NRIP1: variants seen among roughly 807,000 people sequenced by gnomAD.
NRIP1 encodes the protein nuclear receptor-interacting protein 1.
In NRIP1, 28 loss-of-function variants were observed where a neutral mutation model predicts 75.0. The ratio of observed to expected loss-of-function variants is 0.37; its 90% CI spans 0.28 to 0.51. The LOEUF (loss-of-function observed/expected upper bound fraction) is 0.51, where lower values mean the gene tolerates loss of function less well. Ranked by LOEUF, NRIP1 falls within the 20% of genes least tolerant of loss-of-function variation. The pLI is 0.92. For missense variants in NRIP1, 1,435 were observed against 1,343.7 expected (o/e 1.07, Z -1.06); for synonymous variants, 526 against 487.6 (o/e 1.08, Z -1.04).
intron 3 of NRIP1, among the ~76,000 whole-genome samples, chr21:14,990,047 C>T (rs749481021): frequency 5.9e-4 from 90 of 152,198 alleles, no homozygotes; most frequent in Middle Eastern, 3.4e-3. Flanking sequence ...GACAATAAAT[C>T]TAGACTATTA....
chr21:14,968,021 A>G lies in NRIP1; in HGVS notation c.172T>C (p.Phe58Leu). 1 of 1,614,100 alleles carries G rather than the reference A, an allele frequency of 6.2e-7. No individual in the cohort carries two copies. The highest frequency in any genetic ancestry group is 1.7e-5 in the Admixed American group (1 of 59,964). The part of the protein sequence containing the change: ...DQNFNISGSA[F>L]PTCQSNGPVL... Reference sequence around the variant, plus strand: ...GGACCATTACTTTGACAGGTGGGAAATGCACTGCCAGAAATGTTAAAGTTC... The same window carrying G: ...GGACCATTACTTTGACAGGTGGGAAGTGCACTGCCAGAAATGTTAAAGTTC... The change falls in exon 4 of 4, where the codon TTT becomes CTT. Residue 58 changes from phenylalanine to leucine, a missense_variant. By Grantham distance (22) the Phe-to-Leu change is conservative. Coordinates refer to ENST00000318948, the MANE Select transcript of NRIP1 (RefSeq NM_003489.4).
intron 2 of NRIP1, 121 bp from the exon 3 acceptor site, chr21:15,014,587 T>A (rs2088181352): frequency 2.5e-6 from 1 of 396,362 alleles, no homozygotes. Flanking sequence ...AAAGTAGTCA[T>A]TTGACAGAAA....
chr21:15,043,001 T>C (rs550001793), intron 2 of NRIP1, among the ~76,000 whole-genome samples: 1 of 152,274 alleles, frequency 6.6e-6, no homozygotes, highest in South Asian at 2.1e-4. Flanking sequence ...CGCAAATGGA[T>C]GTTCGGAGGC....
chr21:15,030,940 C>CGGTTGG (rs1568993001), intron 2 of NRIP1, among the ~76,000 whole-genome samples: 1 of 122,188 alleles, frequency 8.2e-6, no homozygotes, highest in African/African-American at 3.0e-5. Flanking sequence ...CTCTGGAAGG[C>CGGTTGG]ACTCAGAGGA....
chr21:14,970,001 T>C (rs763534519), intron 3 of NRIP1, among the ~76,000 whole-genome samples: 8 of 152,208 alleles, frequency 5.3e-5, no homozygotes, highest in East Asian at 1.9e-4. Flanking sequence ...GAAATGGTTA[T>C]CATGACTGCC....
At chr21:15,015,444 C>T (rs903250184) in intron 2 of NRIP1, among the ~76,000 whole-genome samples, 1 of 151,964 alleles carries the variant, frequency 6.6e-6, no homozygotes, top group African/African-American at 2.4e-5. Flanking sequence ...TGTTATATGT[C>T]CGTTGATGCA....
At chr21:15,004,472 T>G (rs1251507938) in intron 3 of NRIP1, among the ~76,000 whole-genome samples, 1 of 152,104 alleles carries the variant, frequency 6.6e-6, no homozygotes, top group Non-Finnish European at 1.5e-5. Context: ...CCTGCAGAGG[T>G]GATATACATT....
intron 3 of NRIP1, among the ~76,000 whole-genome samples, chr21:15,010,540 G>C (rs1235818603): frequency 1.3e-5 from 2 of 152,146 alleles, no homozygotes; most frequent in African/African-American, 4.8e-5. Flanking sequence ...TTAAGGAAAA[G>C]TCAATTATTT....
chr21:15,034,851 T>C (rs1032954957), intron 2 of NRIP1, among the ~76,000 whole-genome samples: 6 of 152,176 alleles, frequency 3.9e-5, no homozygotes, highest in African/African-American at 7.2e-5. Context: ...TAGAAGGACA[T>C]GGTGATTAAG....
chr21:15,027,016 T>G (rs1477615245), intron 2 of NRIP1, among the ~76,000 whole-genome samples: 1 of 152,056 alleles, frequency 6.6e-6, no homozygotes, highest in East Asian at 1.9e-4. Context: ...ATATATACAC[T>G]TGTACCCACA....
chr21:14,970,261 T>A (rs761633072), intron 3 of NRIP1, among the ~76,000 whole-genome samples: 5 of 152,134 alleles, frequency 3.3e-5, no homozygotes, highest in Non-Finnish European at 7.4e-5. Context: ...AAAAACTTAA[T>A]ATGGCCAGGT....
intron 2 of NRIP1, among the ~76,000 whole-genome samples, chr21:15,018,627 A>C (rs1600877093): frequency 6.6e-6 from 1 of 152,294 alleles, no homozygotes; most frequent in East Asian, 1.9e-4. Context: ...ATGGTAACAA[A>C]TTAGGTCAGA....
chr21:15,030,256 C>T (rs1336301509), intron 2 of NRIP1, among the ~76,000 whole-genome samples: 3 of 152,146 alleles, frequency 2.0e-5, no homozygotes, highest in African/African-American at 7.2e-5. Flanking sequence ...GCCAATACTC[C>T]AAATTTTTTG....
At chr21:15,062,678 T>C (rs1978407126) in intron 1 of NRIP1, among the ~76,000 whole-genome samples, 3 of 152,208 alleles carry the variant, frequency 2.0e-5, no homozygotes, top group Admixed American at 6.5e-5. Context: ...TTCTTAATCA[T>C]TTTCGACTAT....
intron 2 of NRIP1, among the ~76,000 whole-genome samples, chr21:15,017,216 A>G (rs1189718607): frequency 6.6e-6 from 1 of 152,068 alleles, no homozygotes; most frequent in Non-Finnish European, 1.5e-5. Flanking sequence ...GAACATTACT[A>G]TTATCATTAT....
chr21:15,023,620 TAA>T (rs1358515428), intron 2 of NRIP1, among the ~76,000 whole-genome samples: 4 of 152,184 alleles, frequency 2.6e-5, no homozygotes, highest in Non-Finnish European at 4.4e-5. Flanking sequence ...CTCAGTATCG[TAA>T]AATGACAATT....
At chr21:14,984,072 G>A (rs1163629360) in intron 3 of NRIP1, among the ~76,000 whole-genome samples, 2 of 152,128 alleles carry the variant, frequency 1.3e-5, no homozygotes, top group Non-Finnish European at 1.5e-5. Flanking sequence ...ATTTTCTAAG[G>A]CTTTAGCTGT....
intron 1 of NRIP1, among the ~76,000 whole-genome samples, chr21:15,057,479 C>T (rs1000939924): frequency 6.6e-6 from 1 of 152,210 alleles, no homozygotes; most frequent in Non-Finnish European, 1.5e-5. Flanking sequence ...ATGCAGGTAG[C>T]AGGACATCAG....
intron 3 of NRIP1, among the ~76,000 whole-genome samples, chr21:14,976,556 G>T (rs2087075366): frequency 6.6e-6 from 1 of 151,926 alleles, no homozygotes; most frequent in African/African-American, 2.4e-5. Context: ...TTCACAAATG[G>T]GTGCTATATT....
Sources: gnomAD v4.1 joint callset for allele counts (sites outside exome capture counted in the v4.1 genomes callset) on GRCh38, gnomAD v4.1.1 for gene constraint, MANE v1.5 for transcripts, NCBI Gene and HGNC (gene_info 2026-07-23, HGNC 2026-07-21) for gene names.